ATP10B: variants seen among roughly 807,000 people sequenced by gnomAD.
ATP10B encodes phospholipid-transporting ATPase VB.
Under a neutral mutation model 141.2 loss-of-function variants are expected in ATP10B, and 122 were observed. The observed-to-expected ratio is 0.86, with a 90% CI of 0.75 to 1.00. ATP10B has a LOEUF of 1.00. ATP10B is among the 50% of genes least tolerant of loss of function. The pLI, the probability that ATP10B is intolerant of heterozygous loss-of-function variation, is 0.00. For missense variants in ATP10B, 1,876 were observed against 1,825.3 expected (o/e 1.03, Z -0.51); for synonymous variants, 685 against 692.0 (o/e 0.99, Z 0.16).
chr5:160,669,306 C>G (rs894697764), intron 7 of ATP10B, among the ~76,000 whole-genome samples: 1 of 152,158 alleles, frequency 6.6e-6, no homozygotes, highest in African/African-American at 2.4e-5. Flanking sequence ...AAGTCATGTA[C>G]CTACCATTTA....
intron 19 of ATP10B, among the ~76,000 whole-genome samples, chr5:160,604,547 C>T (rs1216700177): frequency 6.6e-6 from 1 of 152,086 alleles, no homozygotes; most frequent in Non-Finnish European, 1.5e-5. Flanking sequence ...AGAGTGAAAT[C>T]ATCAGAAATT....
intron 7 of ATP10B, among the ~76,000 whole-genome samples, chr5:160,649,802 A>T (rs964185572): frequency 4.6e-5 from 7 of 152,056 alleles, no homozygotes; most frequent in African/African-American, 1.7e-4. Flanking sequence ...TTGCGCATGT[A>T]ATATTTCCAG....
chr5:160,815,128 C>T (rs1443466259), intron 1 of ATP10B, among the ~76,000 whole-genome samples: 13 of 152,308 alleles, frequency 8.5e-5, no homozygotes, highest in South Asian at 6.2e-4. Context: ...CAAATTCACA[C>T]ATAACAATAT....
At chr5:160,673,533 G>GTTTTT (rs34256429) in intron 6 of ATP10B, among the ~76,000 whole-genome samples, 26 of 150,196 alleles carry the variant, frequency 1.7e-4, no homozygotes, top group Non-Finnish European at 2.8e-4. Context: ...ATTTTGTTTT[G>GTTTTT]TTTTTTTTTT....
At chr5:160,766,224 A>G (rs1035559092) in intron 2 of ATP10B, among the ~76,000 whole-genome samples, 2 of 152,060 alleles carry the variant, frequency 1.3e-5, no homozygotes, top group African/African-American at 2.4e-5. Context: ...AGGAAAAGAA[A>G]AGTCATATTA....
rs371916400 is a variant in ATP10B at position 160,687,982 on chromosome 5, G to A, written c.93C>T (p.Leu31=). 5.2e-4 allele frequency: 847 copies of A among 1,613,990 alleles called. No homozygotes were observed. The highest frequency in any genetic ancestry group is 6.8e-4 in the Non-Finnish European group (804 of 1,180,042). The change falls in exon 5 of 26, where the codon CTC becomes CTT. Residue 31 remains leucine (L), a synonymous_variant. Transcript: ENST00000327245. The stretch of plus-strand genomic sequence containing the variant: ...AGCTCTGTCTCCCTTTCTCTGGAGA[G>A]AGCAGCGGTGTGGTTTCCGATGGAC... ...PHCPSETTPL[L]SPEKGRQSYN...
chr5:160,922,428 A>AG, the ATP10B span, among the ~76,000 whole-genome samples: 1 of 152,238 alleles, frequency 6.6e-6, no homozygotes, highest in African/African-American at 2.4e-5. Flanking sequence ...TTATAGTTTC[A>AG]GATGATTCAC....
chr5:160,881,584 G>A, the ATP10B span, among the ~76,000 whole-genome samples: 83 of 152,174 alleles, frequency 5.5e-4, no homozygotes, highest in East Asian at 2.5e-3. Context: ...AGGCCGAGGC[G>A]GGTGGATCAC....
At chr5:160,577,796 TATG>T in intron 24 of ATP10B, among the ~76,000 whole-genome samples, 1 of 152,234 alleles carries the variant, frequency 6.6e-6, no homozygotes, top group African/African-American at 2.4e-5. Flanking sequence ...ACATAAACTT[TATG>T]ATTTTTTTTT....
At chr5:160,793,156 TG>T (rs2127912734) in intron 1 of ATP10B, among the ~76,000 whole-genome samples, 1 of 152,360 alleles carries the variant, frequency 6.6e-6, no homozygotes, top group Non-Finnish European at 1.5e-5. Flanking sequence ...ATTGTCTTTT[TG>T]CTGCCTAAGT....
the ATP10B span, among the ~76,000 whole-genome samples, chr5:160,884,799 A>G: frequency 6.6e-6 from 1 of 152,364 alleles, no homozygotes; most frequent in East Asian, 1.9e-4. Context: ...GTGGCACACA[A>G]ATGTCTAAAA....
chr5:160,915,813 C>G, the ATP10B span, among the ~76,000 whole-genome samples: 45 of 152,310 alleles, frequency 3.0e-4, no homozygotes, highest in African/African-American at 1.0e-3. Context: ...GTCCCACACA[C>G]TCACCCCTAC....
intron 7 of ATP10B, among the ~76,000 whole-genome samples, chr5:160,650,115 A>T (rs978892190): frequency 9.6e-5 from 14 of 145,250 alleles, no homozygotes; most frequent in South Asian, 6.3e-4. Flanking sequence ...AAAAAAAAAA[A>T]TTTTATATAT....
upstream of ATP10B, among the ~76,000 whole-genome samples, chr5:160,854,409 G>A (rs1371067091): frequency 6.6e-6 from 1 of 151,952 alleles, no homozygotes; most frequent in African/African-American, 2.4e-5. Context: ...TCCCACTTAT[G>A]AGAACATGTG....
chr5:160,565,368 C>T lies in ATP10B; in HGVS notation c.*85G>A. On this transcript the variant is annotated 3_prime_UTR_variant, in exon 26 of 26. Transcript: ENST00000327245. Reference sequence around the variant, plus strand: ...AAAGAATAAGACTGGCACATTGTTTCCTCTATGAAGAAGAAGGGGTCAAGG... The same window carrying T: ...AAAGAATAAGACTGGCACATTGTTTTCTCTATGAAGAAGAAGGGGTCAAGG... 1 of 1,338,376 alleles carries T rather than the reference C, an allele frequency of 7.5e-7. No individual in the cohort carries two copies. The highest frequency in any genetic ancestry group is 1.3e-5 in the South Asian group (1 of 74,484). 82.9% of individuals were successfully genotyped at this position (1,338,376 alleles called of 1,614,324 possible). A position where few individuals can be genotyped will look rare whatever the true frequency, so the allele number is the denominator to read the frequency against.
chr5:160,743,077 A>G (rs774255974), intron 2 of ATP10B, among the ~76,000 whole-genome samples: 1 of 152,330 alleles, frequency 6.6e-6, no homozygotes, highest in Non-Finnish European at 1.5e-5. Flanking sequence ...CACTTTATAC[A>G]CAGTATTTTA....
At chr5:160,667,102 C>T (rs1484441999) in intron 7 of ATP10B, among the ~76,000 whole-genome samples, 1 of 152,142 alleles carries the variant, frequency 6.6e-6, no homozygotes, top group East Asian at 1.9e-4. Flanking sequence ...CCTGTAGTCC[C>T]AGCTACTCGG....
intron 1 of ATP10B, among the ~76,000 whole-genome samples, chr5:160,848,583 TA>T (rs1753583071): frequency 2.0e-5 from 3 of 152,214 alleles, no homozygotes; most frequent in African/African-American, 7.2e-5. Flanking sequence ...TAAACATTTA[TA>T]AAGGAAAAGT....
chr5:160,828,588 A>C (rs995888268), intron 1 of ATP10B, among the ~76,000 whole-genome samples: 17 of 151,684 alleles, frequency 1.1e-4, no homozygotes, highest in Middle Eastern at 3.4e-3. Context: ...GAGAAATAGG[A>C]ACACTTTTAC....
Sources: gnomAD v4.1 joint callset for allele counts (sites outside exome capture counted in the v4.1 genomes callset) on GRCh38, gnomAD v4.1.1 for gene constraint, MANE v1.5 for transcripts, NCBI Gene and HGNC (gene_info 2026-07-23, HGNC 2026-07-21) for gene names.